The following PAPPA2 variants were observed in gnomAD, a reference collection of about 807,000 sequenced individuals.
PAPPA2 encodes the protein pappalysin 2.
Under a neutral mutation model 176.4 loss-of-function variants are expected in PAPPA2, and 86 were observed. That is an observed-to-expected ratio of 0.49 (90% confidence interval 0.41 to 0.58). PAPPA2 has a LOEUF of 0.58. Ranked by LOEUF, PAPPA2 falls within the 20% of genes least tolerant of loss-of-function variation. The probability of loss-of-function intolerance (pLI) is 0.00; values close to 1 mark genes in which losing one functional copy is unlikely to be tolerated. For missense variants in PAPPA2, 2,073 were observed against 2,256.9 expected, an observed-to-expected ratio of 0.92 and a Z score of 1.65; for synonymous variants, 809 against 852.2, an observed-to-expected ratio of 0.95 and a Z score of 0.88.
intron 6 of PAPPA2, among the ~76,000 whole-genome samples, chr1:176,694,309 G>A (rs1290019524): frequency 1.3e-5 from 2 of 152,196 alleles, no homozygotes; most frequent in Non-Finnish European, 2.9e-5. Flanking sequence ...AGTACTGGAC[G>A]CTCAATGGTG....
At chr1:176,766,907 G>A (rs990660015) in intron 15 of PAPPA2, among the ~76,000 whole-genome samples, 4 of 134,162 alleles carry the variant, frequency 3.0e-5, no homozygotes, top group African/African-American at 1.3e-4. Flanking sequence ...TACAAGAGTT[G>A]ATTTTTTTTT....
At chr1:176,687,026 A>G (rs1370981160) in intron 4 of PAPPA2, among the ~76,000 whole-genome samples, 2 of 152,194 alleles carry the variant, frequency 1.3e-5, no homozygotes, top group South Asian at 2.1e-4. Flanking sequence ...GTTGGTGTGC[A>G]CAACACTCAT....
chr1:176,501,343 A>G (rs868373784), intron 1 of PAPPA2, among the ~76,000 whole-genome samples: 4 of 152,200 alleles, frequency 2.6e-5, no homozygotes, highest in Admixed American at 1.3e-4. Context: ...CAAAGAAACA[A>G]GAAATGACAG....
At chr1:176,669,116 G>T (rs1004138848) in intron 3 of PAPPA2, among the ~76,000 whole-genome samples, 6 of 152,128 alleles carry the variant, frequency 3.9e-5, no homozygotes, top group African/African-American at 1.4e-4. Flanking sequence ...GGAGCAGGGA[G>T]GTTGGAGAAG....
At chr1:176,742,224 C>T (rs1373273764) in intron 14 of PAPPA2, among the ~76,000 whole-genome samples, 1 of 152,026 alleles carries the variant, frequency 6.6e-6, no homozygotes, top group Non-Finnish European at 1.5e-5. Flanking sequence ...GAAGGCCTAG[C>T]ACATAGTAGG....
chr1:176,768,848 C>T (rs182633405), intron 15 of PAPPA2, among the ~76,000 whole-genome samples: 2 of 152,282 alleles, frequency 1.3e-5, no homozygotes, highest in Non-Finnish European at 2.9e-5. Context: ...TGCATTAACT[C>T]TCAGCACCAT....
chr1:176,751,313 A>G (rs1204324914), intron 14 of PAPPA2, among the ~76,000 whole-genome samples: 1 of 151,680 alleles, frequency 6.6e-6, no homozygotes, highest in Non-Finnish European at 1.5e-5. Context: ...ACCAAAAGCA[A>G]TGGCAACAAA....
chr1:176,690,064 C>A, intron 4 of PAPPA2, 73 bp from the exon 5 acceptor site: 2 of 1,319,734 alleles, frequency 1.5e-6, no homozygotes, highest in Non-Finnish European at 2.1e-6. Context: ...TGATGTTTAT[C>A]AGAAAACATA....
At chr1:176,774,260 C>T (rs1664354195) in intron 17 of PAPPA2, among the ~76,000 whole-genome samples, 1 of 152,134 alleles carries the variant, frequency 6.6e-6, no homozygotes, top group Non-Finnish European at 1.5e-5. Flanking sequence ...CAGTTACCAT[C>T]TGCGTGCTGA....
chr1:176,673,639 G>C (rs1361965252), intron 4 of PAPPA2, among the ~76,000 whole-genome samples: 1 of 152,102 alleles, frequency 6.6e-6, no homozygotes, highest in East Asian at 1.9e-4. Flanking sequence ...GCATACTATT[G>C]AATGTTTTCT....
intron 2 of PAPPA2, among the ~76,000 whole-genome samples, chr1:176,573,923 G>A (rs114688930): frequency 0.022 from 3,284 of 152,024 alleles, 73 homozygotes; most frequent in African/African-American, 0.059. Flanking sequence ...ACTGGTGTAT[G>A]TATGTGTGTG....
chr1:176,556,521 C>G lies in PAPPA2; in HGVS notation c.199C>G (p.Leu67Val). Reference sequence around the variant, plus strand: ...ACCCAGAGCTTCTCCACAGCATCACCTCTTTGGAGTCTACCCCAGCAGGGC... The same window carrying G: ...ACCCAGAGCTTCTCCACAGCATCACGTCTTTGGAGTCTACCCCAGCAGGGC... The part of the protein sequence containing the change: ...RRPRASPQHH[L>V]FGVYPSRAGN... The change falls in exon 2 of 23, where the codon CTC (leucine) becomes GTC (valine). Residue 67 changes from leucine (L) to valine (V), a missense_variant. Around this residue, in one of 4 missense-constraint regions of PAPPA2, gnomAD observed 1,196 missense variants for 1,330.4 expected, o/e 0.90. Coordinates refer to ENST00000367662, the MANE Select transcript of PAPPA2 (RefSeq NM_020318.3). 1 of 1,614,208 alleles carries G rather than the reference C, an allele frequency of 6.2e-7. No homozygotes were observed. The highest frequency in any genetic ancestry group is 8.5e-7 in the Non-Finnish European group (1 of 1,180,048).
At position 176,699,335 on chromosome 1, in the gene PAPPA2, G is replaced by A; in HGVS notation, c.2982G>A (p.Val994=). 1.2e-6 allele frequency: 2 copies of A among 1,614,164 alleles called. No individual in the cohort carries two copies. Among genetic ancestry groups the A allele is most frequent in the Non-Finnish European group, 1.7e-6 (2 of 1,180,030 alleles). Residue 994 remains valine, a synonymous_variant, in exon 8 of 23, where the codon GTG becomes GTA. Coordinates refer to ENST00000367662, the MANE Select transcript of PAPPA2 (RefSeq NM_020318.3). ...TCTTGCTGGAAAACAAGGAGTCAGT[G>A]CACCTGGGCCCCTTAGACACTTTCT... ...TEILLENKES[V]HLGPLDTFCD...
intron 21 of PAPPA2, among the ~76,000 whole-genome samples, chr1:176,805,992 A>T (rs983494313): frequency 7.1e-5 from 1 of 14,058 alleles, no homozygotes; most frequent in Non-Finnish European, 1.5e-4. Context: ...TGTCTCTCTC[A>T]AAAAAAAAAA....
chr1:176,610,580 C>T (rs1439281617), intron 3 of PAPPA2, among the ~76,000 whole-genome samples: 1 of 152,046 alleles, frequency 6.6e-6, no homozygotes, highest in African/African-American at 2.4e-5. Context: ...AGATGCTCCC[C>T]CTAGACACAG....
intron 1 of PAPPA2, among the ~76,000 whole-genome samples, chr1:176,500,540 T>C (rs2102507734): frequency 6.7e-6 from 1 of 149,242 alleles, no homozygotes; most frequent in South Asian, 2.1e-4. Flanking sequence ...TATATATATT[T>C]GTATACATAT....
chr1:176,679,471 G>A (rs1365432364), intron 4 of PAPPA2, among the ~76,000 whole-genome samples: 1 of 152,068 alleles, frequency 6.6e-6, no homozygotes, highest in Non-Finnish European at 1.5e-5. Flanking sequence ...ATGAAAGTGG[G>A]TACCTTATTA....
At chr1:176,739,516 G>C (rs1662569748) in intron 12 of PAPPA2, 110 bp from the exon 13 acceptor site, 1 of 1,203,386 alleles carries the variant, frequency 8.3e-7, no homozygotes. Context: ...AAAAATGGAA[G>C]CTCTTACTTT....
chr1:176,492,861 G>A (rs1262802220), intron 1 of PAPPA2, among the ~76,000 whole-genome samples: 1 of 152,118 alleles, frequency 6.6e-6, no homozygotes, highest in Non-Finnish European at 1.5e-5. Context: ...TAAGAGAACT[G>A]AAGAACAGGT....
Sources: gnomAD v4.1 joint callset for allele counts (sites outside exome capture counted in the v4.1 genomes callset) on GRCh38, gnomAD v4.1.1 for gene constraint, gnomAD v4.1.1 regional missense constraint, MANE v1.5 for transcripts, NCBI Gene and HGNC (gene_info 2026-07-23, HGNC 2026-07-21) for gene names.